Variants in VIPR2 observed in about 807,000 individuals in gnomAD.
The protein encoded by VIPR2 is vasoactive intestinal polypeptide receptor 2.
Under a neutral mutation model 58.0 loss-of-function variants are expected in VIPR2, and 48 were observed. The ratio of observed to expected loss-of-function variants is 0.83; its 90% confidence interval spans 0.66 to 1.05. VIPR2 has a LOEUF of 1.05. VIPR2 is among the 50% of genes least tolerant of loss of function. The pLI is 0.00. For synonymous variants in VIPR2, 243 were observed against 235.2 expected (o/e 1.03, Z -0.30); for missense variants, 534 against 558.0 (o/e 0.96, Z 0.43).
intron 4 of VIPR2, among the ~76,000 whole-genome samples, chr7:159,091,494 G>A (rs1200241832): frequency 4.6e-5 from 7 of 152,210 alleles, no homozygotes; most frequent in Admixed American, 3.9e-4. Context: ...TTTTTATAAC[G>A]GAAGGGATGT....
At position 159,042,979 on chromosome 7, in the gene VIPR2, A is replaced by G. The variant is rs2129493456; in HGVS notation, c.597+56T>C. The stretch of plus-strand genomic sequence containing the variant: ...ACAGAGACGTCCTCATCGTGAGAAG[A>G]GGGAACAGAGATAAAGGGACAAGAC... On this transcript the variant is annotated intron_variant, in intron 6 of 12. Transcript: ENST00000262178. The G allele has an allele frequency of 3.2e-6, 5 of 1,583,516 alleles. No homozygotes were observed. In the South Asian group the frequency reaches 5.7e-5, roughly 18 times the overall value.
intron 4 of VIPR2, among the ~76,000 whole-genome samples, chr7:159,079,411 T>G (rs1376372714): frequency 6.6e-6 from 1 of 152,108 alleles, no homozygotes; most frequent in African/African-American, 2.4e-5. Flanking sequence ...AAAGATGTTC[T>G]TTGAAACCAA....
intron 2 of VIPR2, 103 bp downstream of exon 2, chr7:159,142,343 T>C (rs1399852045): frequency 1.6e-5 from 13 of 805,378 alleles, no homozygotes; most frequent in Non-Finnish European, 2.2e-5. Flanking sequence ...TTTTCTTTTT[T>C]TTTTTTTAAG....
intron 5 of VIPR2, among the ~76,000 whole-genome samples, chr7:159,053,448 G>A (rs1855123597): frequency 6.6e-6 from 1 of 152,180 alleles, no homozygotes; most frequent in Non-Finnish European, 1.5e-5. Context: ...TATGATCACA[G>A]GTTGGATGAT....
chr7:159,044,430 AAAT>A (rs560113657), intron 5 of VIPR2, among the ~76,000 whole-genome samples: 51 of 152,274 alleles, frequency 3.3e-4, no homozygotes, highest in Non-Finnish European at 5.1e-4. Context: ...ATAAAGCAAA[AAAT>A]AATAATAAGA....
chr7:159,095,134 A>G lies in VIPR2; in HGVS notation c.357+8623T>C, dbSNP rs1741468126. ...AGATTAAAGCCGGGGAGCCACCACA[A>G]CCACACACAGCGCACTATCCTGGCC... On this transcript the variant is annotated intron_variant, in intron 4 of 12. Coordinates refer to ENST00000262178, the MANE Select transcript of VIPR2 (RefSeq NM_003382.5). This position sits in a 1 kb window ranked among gnomAD's most constrained non-coding sequence, Gnocchi z 5.2. 1.3e-5 allele frequency among the ~76,000 whole-genome samples: 2 copies of G among 152,176 alleles called. No homozygotes were observed. Among genetic ancestry groups the G allele is most frequent in the South Asian group, 2.1e-4 (1 of 4,828 alleles).
At chr7:159,071,434 T>C (rs1237135772) in intron 4 of VIPR2, among the ~76,000 whole-genome samples, 1 of 152,206 alleles carries the variant, frequency 6.6e-6, no homozygotes, top group Non-Finnish European at 1.5e-5. Context: ...AGAGAGAATC[T>C]TGGCTCTGAG....
In VIPR2 at chr7:159,105,061, G is replaced by A. The variant is rs143293080; in HGVS notation, c.260-1207C>T. Among the ~76,000 whole-genome samples, 1,139 of 152,328 alleles carry A rather than the reference G, an allele frequency of 7.5e-3. 13 individuals are homozygous for A. The highest frequency in any genetic ancestry group is 0.026 in the African/African-American group (1,080 of 41,574). ...TTACAATCTCATCTTTTGCGCCTAC[G>A]GAACTAAAATCATATGTAAGCTCAG... is the stretch of plus-strand genomic sequence containing the variant. On this transcript the variant is annotated intron_variant, in intron 3 of 12. Coordinates refer to ENST00000262178, the MANE Select transcript of VIPR2 (RefSeq NM_003382.5).
intron 4 of VIPR2, among the ~76,000 whole-genome samples, chr7:159,071,337 C>T (rs1287922195): frequency 1.3e-5 from 2 of 152,200 alleles, no homozygotes; most frequent in African/African-American, 4.8e-5. Flanking sequence ...GCTCAGCCTC[C>T]CATCTTGGCT....
rs1278693152 is a variant in VIPR2, at chr7:159,142,522, G to A, written c.75C>T (p.Cys25=). Residue 25 remains cysteine (C), a synonymous_variant, in exon 2 of 13, where the codon TGC becomes TGT. Coordinates refer to ENST00000262178, the MANE Select transcript of VIPR2 (RefSeq NM_003382.5). ...CCTCCTGTATTTCCAGATGAAATCG[G>A]CATTCTGGGTGAATGCTGTTCACCT... ...LAPVNSIHPE[C]RFHLEIQEEE... is the part of the protein sequence containing the mutation. 1.9e-6 allele frequency: 3 copies of A among 1,613,594 alleles called. No individual in the cohort carries two copies. The highest frequency in any genetic ancestry group is 2.2e-5 in the South Asian group (2 of 91,036).
At chr7:159,101,975 C>T (rs1212770728) in intron 4 of VIPR2, among the ~76,000 whole-genome samples, 1 of 149,230 alleles carries the variant, frequency 6.7e-6, no homozygotes, top group Non-Finnish European at 1.5e-5. Context: ...GTGGTTCCGA[C>T]TGTTCCTGTG....
intron 4 of VIPR2, among the ~76,000 whole-genome samples, chr7:159,080,089 A>G (rs1249899096): frequency 6.6e-6 from 1 of 152,240 alleles, no homozygotes; most frequent in East Asian, 1.9e-4. Context: ...TCAGCGGAAA[A>G]AAAGGGAATC....
intron 5 of VIPR2, 149 bp downstream of exon 5, chr7:159,058,332 T>A (rs1345712400): frequency 1.5e-6 from 1 of 660,726 alleles, no homozygotes; most frequent in Non-Finnish European, 2.7e-6. Context: ...AATGTAAATG[T>A]TAACATCATA....
intron 4 of VIPR2, among the ~76,000 whole-genome samples, chr7:159,078,888 G>T (rs964075017): frequency 2.0e-5 from 3 of 152,124 alleles, no homozygotes; most frequent in African/African-American, 7.2e-5. Flanking sequence ...ATTTTTGGAC[G>T]CTAGGTGTTA....
At chr7:159,062,265 G>C (rs1325213841) in intron 4 of VIPR2, among the ~76,000 whole-genome samples, 1 of 152,214 alleles carries the variant, frequency 6.6e-6, no homozygotes, top group African/African-American at 2.4e-5. Flanking sequence ...AGCAGCGCCA[G>C]CCTCGGGCTC....
At chr7:159,100,772 C>T (rs115373070) in intron 4 of VIPR2, among the ~76,000 whole-genome samples, 3,067 of 147,118 alleles carry the variant, frequency 0.021, 123 homozygotes, top group African/African-American at 0.074. Context: ...GAACGGGTCT[C>T]AGATCCGACG....
At chr7:159,136,382 A>G (rs567752629) in intron 2 of VIPR2, among the ~76,000 whole-genome samples, 2 of 152,328 alleles carry the variant, frequency 1.3e-5, no homozygotes. Context: ...TCTCAATACT[A>G]CTACATTGAG....
chr7:159,106,431 AGGGAGGGGCAGAGAGG>A (rs1563333413), intron 3 of VIPR2, among the ~76,000 whole-genome samples: 1 of 144,468 alleles, frequency 6.9e-6, no homozygotes, highest in Non-Finnish European at 1.5e-5. Flanking sequence ...GAGAGAGGCC[AGGGAGGGGCAGAGAGG>A]CCAGGGAGGG....
intron 4 of VIPR2, among the ~76,000 whole-genome samples, chr7:159,088,713 G>A (rs979215092): frequency 1.3e-5 from 2 of 152,262 alleles, no homozygotes; most frequent in Non-Finnish European, 2.9e-5. Flanking sequence ...GTGGCAGCAC[G>A]GCCTGCACCA....
Sources: allele counts gnomAD v4.1 joint callset (sites outside exome capture counted in the v4.1 genomes callset), GRCh38; gene constraint gnomAD v4.1.1; non-coding constraint Gnocchi (gnomAD v3.1); transcripts MANE v1.5; gene names NCBI Gene and HGNC (gene_info 2026-07-23, HGNC 2026-07-21).